The following AIF1L variants were observed in gnomAD, a reference collection of about 807,000 sequenced individuals.
AIF1L encodes the protein allograft inflammatory factor 1-like.
Under a neutral mutation model 20.7 loss-of-function variants are expected in AIF1L, and 12 were observed. That is an observed-to-expected ratio of 0.58 (90% CI 0.37 to 0.94). AIF1L has a LOEUF of 0.94. Ranked by LOEUF, AIF1L falls within the 40% of genes least tolerant of loss-of-function variation. The pLI, the probability that AIF1L is intolerant of heterozygous loss-of-function variation, is 0.01. For synonymous variants in AIF1L, 76 were observed against 65.1 expected (o/e 1.17, Z -0.81); for missense variants, 173 against 185.3 (o/e 0.93, Z 0.39).
At chr9:131,118,902 T>C (rs560298491) in intron 5 of AIF1L, among the ~76,000 whole-genome samples, 2 of 152,256 alleles carry the variant, frequency 1.3e-5, no homozygotes, top group African/African-American at 4.8e-5. Flanking sequence ...AAGCATAAAA[T>C]AGAGTCAAAA....
At chr9:131,114,290 G>A in intron 3 of AIF1L, 1 of 423,652 alleles carries the variant, frequency 2.4e-6, no homozygotes, top group Non-Finnish European at 4.5e-6. Context: ...GGTCTGTGCT[G>A]CTGGGGACCC....
chr9:131,098,683 G>A (rs924156427), intron 2 of AIF1L, among the ~76,000 whole-genome samples: 2 of 152,176 alleles, frequency 1.3e-5, no homozygotes, highest in Non-Finnish European at 2.9e-5. Context: ...GCTTGGCTTA[G>A]AAAGAGGAGG....
Position 131,120,338 on chromosome 9 carries a change from TC to T in AIF1L, c.*20del, listed in dbSNP as rs1286133514. 3.1e-6 allele frequency: 5 copies of T among 1,590,048 alleles called. No individual in the cohort carries two copies. In the Admixed American group the frequency reaches 8.9e-5, roughly 28 times the overall value. On this transcript the variant is annotated 3_prime_UTR_variant, in exon 6 of 6. Transcript: ENST00000247291. ...CCTGCCCTGAGGACCCCGCCTGGACTCCCCAGCCTTCCCACCCCATACCTCC... is the reference window on the plus strand; with the variant it reads ...CCTGCCCTGAGGACCCCGCCTGGACTCCCAGCCTTCCCACCCCATACCTCC...
intron 2 of AIF1L, among the ~76,000 whole-genome samples, chr9:131,099,130 T>C (rs1029936148): frequency 1.3e-5 from 2 of 152,210 alleles, no homozygotes; most frequent in Admixed American, 1.3e-4. Context: ...ACAATCTATG[T>C]AAAGCACCCA....
chr9:131,100,920 C>T (rs531732216), intron 2 of AIF1L, among the ~76,000 whole-genome samples: 28 of 152,190 alleles, frequency 1.8e-4, no homozygotes, highest in Admixed American at 3.9e-4. Context: ...TTTTTTGAGA[C>T]GGCGTCTCGC....
intron 2 of AIF1L, among the ~76,000 whole-genome samples, chr9:131,110,838 A>G (rs569470338): frequency 1.3e-5 from 2 of 152,188 alleles, no homozygotes; most frequent in Admixed American, 1.3e-4. Flanking sequence ...GAAGCAGATC[A>G]TGATTCTCAT....
chr9:131,119,255 C>G (rs1831081088), intron 5 of AIF1L, among the ~76,000 whole-genome samples: 2 of 152,196 alleles, frequency 1.3e-5, no homozygotes, highest in African/African-American at 4.8e-5. Context: ...AATCCCAGCG[C>G]TTCGGGAGGC....
chr9:131,118,041 G>A, intron 5 of AIF1L, 123 bp downstream of exon 5: 1 of 1,016,264 alleles, frequency 9.8e-7, no homozygotes, highest in Non-Finnish European at 1.4e-6. Context: ...CGACCTGCTG[G>A]ACAAGGTACT....
At position 131,111,634 on chromosome 9, in the gene AIF1L, A is replaced by C. The variant is rs1273613986; in HGVS notation, c.131A>C (p.Asn44Thr). 1.2e-6 allele frequency: 2 copies of C among 1,613,914 alleles called. No homozygotes were observed. The highest frequency in any genetic ancestry group is 1.7e-6 in the Non-Finnish European group (2 of 1,179,976). Residue 44 changes from asparagine to threonine, a missense_variant, in exon 3 of 6, where the codon AAC becomes ACC. By Grantham distance (65) the Asn-to-Thr change is moderately conservative. Transcript: ENST00000247291. ...LCDQKYSDEE[N>T]LPEKLTAFKE... Reference sequence around the variant, plus strand: ...GACCAGAAGTACAGTGATGAAGAGAACCTTCCAGAAAAGCTCACAGCCTTC... The same window carrying C: ...GACCAGAAGTACAGTGATGAAGAGACCCTTCCAGAAAAGCTCACAGCCTTC...
Position 131,118,031 on chromosome 9 carries a change from C to T in AIF1L, c.365+113C>T, listed in dbSNP as rs73658932. 2,180 of 1,119,994 alleles carry T rather than the reference C, an allele frequency of 1.9e-3. 27 individuals carry two copies. The African/African-American group carries it at 0.027, about 14-fold the overall frequency. 69.4% of individuals were successfully genotyped at this position (1,119,994 alleles called of 1,614,324 possible). On this transcript the variant is annotated intron_variant, in intron 5 of 5. Transcript: ENST00000247291. ...CCCACCTAGTAGGTAACTCATTGTG[C>T]GACCTGCTGGACAAGGTACTTACTT...
intron 3 of AIF1L, 94 bp from the exon 4 acceptor site, chr9:131,114,483 A>G: frequency 7.0e-7 from 1 of 1,430,364 alleles, no homozygotes; most frequent in Non-Finnish European, 9.9e-7. Context: ...CAGACTCCTG[A>G]GGACACGGTC....
chr9:131,116,001 A>G (rs1289984541), intron 4 of AIF1L, among the ~76,000 whole-genome samples: 2 of 150,742 alleles, frequency 1.3e-5, no homozygotes, highest in African/African-American at 2.5e-5. Flanking sequence ...AATTTGGCTT[A>G]TCAAATAAAC....
intron 2 of AIF1L, chr9:131,103,057 C>A (rs1359893055): frequency 6.6e-6 from 3 of 451,294 alleles, no homozygotes; most frequent in Non-Finnish European, 1.3e-5. Flanking sequence ...AGGACAGGCA[C>A]GGCAGGGGCT....
chr9:131,118,032 G>C (rs1437934446), intron 5 of AIF1L, 114 bp downstream of exon 5: 20 of 1,078,672 alleles, frequency 1.9e-5, no homozygotes, highest in African/African-American at 3.2e-5. Context: ...CTCATTGTGC[G>C]ACCTGCTGGA....
At chr9:131,109,299 C>T (rs1459836656) in intron 2 of AIF1L, among the ~76,000 whole-genome samples, 7 of 152,116 alleles carry the variant, frequency 4.6e-5, no homozygotes, top group African/African-American at 1.7e-4. Context: ...TGGCTCACAC[C>T]TGTAATCCCA....
chr9:131,102,625 G>A (rs996501549), intron 2 of AIF1L, among the ~76,000 whole-genome samples: 3 of 152,238 alleles, frequency 2.0e-5, no homozygotes, highest in Non-Finnish European at 4.4e-5. Flanking sequence ...CTGCTTGGGA[G>A]TTTTTCTTTA....
chr9:131,101,319 G>A (rs1474560402), intron 2 of AIF1L, among the ~76,000 whole-genome samples: 1 of 152,104 alleles, frequency 6.6e-6, no homozygotes, highest in Non-Finnish European at 1.5e-5. Context: ...GTGAGAATCT[G>A]CAGACAGCCC....
In AIF1L at chr9:131,117,856, C is replaced by T. The variant is rs986518231; in HGVS notation, c.303C>T (p.Asp101=). The change falls in exon 5 of 6, where the codon GAC becomes GAT. Residue 101 remains aspartate (D), a synonymous_variant. Coordinates refer to ENST00000247291, the MANE Select transcript of AIF1L (RefSeq NM_031426.4). ...CAGAGGTGACAGGAGGGGTCAGTGA[C>T]ACTATATCCTACCGAGACTTTGTGA... ...MISEVTGGVS[D]TISYRDFVNM... 1.2e-5 allele frequency: 20 copies of T among 1,613,994 alleles called. No individual in the cohort carries two copies. The Admixed American group carries it at 1.3e-4, about 11-fold the overall frequency.
chr9:131,114,703 T>C (rs1472924530), intron 4 of AIF1L, 85 bp downstream of exon 4: 1 of 1,541,834 alleles, frequency 6.5e-7, no homozygotes, highest in Non-Finnish European at 9.0e-7. Flanking sequence ...GTGAGGGGCA[T>C]GGGGCAGTCC....
Sources: gnomAD v4.1 joint callset for allele counts (sites outside exome capture counted in the v4.1 genomes callset) on GRCh38, gnomAD v4.1.1 for gene constraint, MANE v1.5 for transcripts, NCBI Gene and HGNC (gene_info 2026-07-23, HGNC 2026-07-21) for gene names.